Variants in GULP1 observed in about 807,000 individuals in gnomAD.
The protein encoded by GULP1 is PTB domain-containing engulfment adapter protein 1.
In GULP1, 19 loss-of-function variants were observed where a neutral mutation model predicts 40.9. That is an observed-to-expected ratio of 0.46 (90% CI 0.32 to 0.68). GULP1 has a LOEUF of 0.68. Among genes scored for constraint, GULP1 ranks in the 30% least tolerant of loss-of-function variants. The pLI, the probability that GULP1 is intolerant of heterozygous loss-of-function variation, is 0.03. For synonymous variants in GULP1, 119 were observed against 117.6 expected (o/e 1.01, Z -0.08); for missense variants, 312 against 362.2 (o/e 0.86, Z 1.12).
At chr2:188,371,587 A>C (rs1177720073) in intron 1 of GULP1, among the ~76,000 whole-genome samples, 2 of 152,148 alleles carry the variant, frequency 1.3e-5, no homozygotes, top group Non-Finnish European at 2.9e-5. Flanking sequence ...TGAAAATAAA[A>C]TGTCATTATA....
At chr2:188,306,214 A>C (rs74598710) in intron 1 of GULP1, among the ~76,000 whole-genome samples, 3,420 of 152,294 alleles carry the variant, frequency 0.022, 139 homozygotes, top group African/African-American at 0.078. Context: ...TAAGTATTTG[A>C]TAACATTTTT....
chr2:188,566,772 G>A (rs2153425262), intron 7 of GULP1, among the ~76,000 whole-genome samples: 1 of 132,736 alleles, frequency 7.5e-6, no homozygotes, highest in African/African-American at 2.9e-5. Flanking sequence ...TCCAGCCTGG[G>A]TAGCTGAGTG....
At chr2:188,567,107 T>C (rs974736147) in intron 7 of GULP1, among the ~76,000 whole-genome samples, 8 of 151,534 alleles carry the variant, frequency 5.3e-5, no homozygotes, top group African/African-American at 1.7e-4. Flanking sequence ...GTCAGAAGGG[T>C]GATTATTAAA....
At chr2:188,526,795 A>G (rs1216550089) in intron 5 of GULP1, among the ~76,000 whole-genome samples, 3 of 152,280 alleles carry the variant, frequency 2.0e-5, no homozygotes, top group Admixed American at 6.5e-5. Context: ...AAAAGAAAAA[A>G]TTATTTGGTG....
chr2:188,430,165 T>A (rs1209170970), intron 2 of GULP1, among the ~76,000 whole-genome samples: 1 of 152,162 alleles, frequency 6.6e-6, no homozygotes, highest in African/African-American at 2.4e-5. Flanking sequence ...TAAAACAGAG[T>A]CATAGGTCAT....
At chr2:188,503,780 C>T (rs76567140) in intron 4 of GULP1, among the ~76,000 whole-genome samples, 6,769 of 151,886 alleles carry the variant, frequency 0.045, 165 homozygotes, top group Middle Eastern at 0.061. Context: ...ATCTTATAAA[C>T]GATGGAGAGT....
Position 188,434,242 on chromosome 2 carries a change from A to G in GULP1, c.-44-43417A>G, listed in dbSNP as rs145623685. On this transcript the variant is annotated intron_variant, in intron 2 of 11. Transcript: ENST00000409830. ...TAAATCATTTGCTGTCAATGATGTC[A>G]AAACTTTGATTACAGTCTATTTTTC... Among the ~76,000 whole-genome samples, 920 of 151,936 alleles carry G rather than the reference A, an allele frequency of 6.1e-3. 5 individuals carry two copies. Among genetic ancestry groups the G allele is most frequent in the Non-Finnish European group, 9.3e-3 (630 of 67,886 alleles).
chr2:188,339,502 A>T (rs1229041180), intron 1 of GULP1, among the ~76,000 whole-genome samples: 1 of 152,190 alleles, frequency 6.6e-6, no homozygotes, highest in African/African-American at 2.4e-5. Context: ...GACATGGTAT[A>T]CATTTTTAAT....
intron 11 of GULP1, chr2:188,591,742 A>T (rs1006192346): frequency 6.6e-6 from 1 of 151,768 alleles, no homozygotes; most frequent in South Asian, 2.1e-4. Context: ...AATCATTTTT[A>T]AAAATGTATA....
At chr2:188,545,672 A>T (rs1205849767) in intron 7 of GULP1, among the ~76,000 whole-genome samples, 1 of 151,936 alleles carries the variant, frequency 6.6e-6, no homozygotes, top group East Asian at 1.9e-4. Flanking sequence ...ACAGAGAAAG[A>T]AAAAAGATAG....
chr2:188,390,089 C>T (rs1249559985), intron 2 of GULP1, among the ~76,000 whole-genome samples: 1 of 152,014 alleles, frequency 6.6e-6, no homozygotes, highest in African/African-American at 2.4e-5. Context: ...AAAACATACG[C>T]ATGCAGGTGT....
intron 11 of GULP1, chr2:188,589,864 A>G: frequency 2.1e-6 from 1 of 483,572 alleles, no homozygotes; most frequent in Non-Finnish European, 3.7e-6. Context: ...TCATATGGGT[A>G]TATCTGATAA....
intron 1 of GULP1, among the ~76,000 whole-genome samples, chr2:188,336,607 G>A (rs2042284484): frequency 6.6e-6 from 1 of 152,156 alleles, no homozygotes; most frequent in South Asian, 2.1e-4. Context: ...GAGTGTCCTG[G>A]AATGTGGTGG....
At chr2:188,586,442 C>G (rs1702389480) in intron 10 of GULP1, among the ~76,000 whole-genome samples, 2 of 152,164 alleles carry the variant, frequency 1.3e-5, no homozygotes, top group Non-Finnish European at 2.9e-5. Flanking sequence ...GTAGTGGAAA[C>G]CAGGACATTT....
intron 8 of GULP1, 34 bp from the exon 9 acceptor site, chr2:188,569,994 A>C (rs748371849): frequency 9.0e-5 from 76 of 841,840 alleles, no homozygotes; most frequent in South Asian, 4.5e-4. Flanking sequence ...GAAAAAAAAA[A>C]CAGAAAGTTA....
At chr2:188,480,920 A>G (rs2061400702) in intron 3 of GULP1, among the ~76,000 whole-genome samples, 2 of 151,902 alleles carry the variant, frequency 1.3e-5, no homozygotes, top group South Asian at 4.1e-4. Context: ...ATTCAAATGT[A>G]TCTATTCATT....
intron 2 of GULP1, among the ~76,000 whole-genome samples, chr2:188,438,512 AAT>A (rs2057635691): frequency 6.6e-6 from 1 of 151,168 alleles, no homozygotes; most frequent in African/African-American, 2.4e-5. Context: ...TTATTCTATT[AAT>A]AGTCTAATAA....
At chr2:188,569,209 A>G (rs776831610) in intron 7 of GULP1, 30 bp from the exon 8 acceptor site, 2 of 1,084,396 alleles carry the variant, frequency 1.8e-6, no homozygotes, top group African/African-American at 3.1e-5. Context: ...ATATTATTAA[A>G]ATGCAAATCT....
intron 2 of GULP1, among the ~76,000 whole-genome samples, chr2:188,414,317 T>A (rs1457895298): frequency 1.3e-5 from 2 of 152,286 alleles, no homozygotes; most frequent in East Asian, 3.9e-4. Flanking sequence ...GTTATATGTC[T>A]TCTTTACTGA....
Sources: gnomAD v4.1 joint callset for allele counts (sites outside exome capture counted in the v4.1 genomes callset) on GRCh38, gnomAD v4.1.1 for gene constraint, MANE v1.5 for transcripts, NCBI Gene and HGNC (gene_info 2026-07-23, HGNC 2026-07-21) for gene names.